The following ANKFN1 variants were observed in gnomAD, a reference collection of about 807,000 sequenced individuals.
The protein encoded by ANKFN1 is ankyrin repeat and fibronectin type-III domain-containing protein 1.
ANKFN1 carries 74 observed loss-of-function variants against 108.7 expected under a neutral mutation model. That is an observed-to-expected ratio of 0.68 (90% CI 0.56 to 0.83). ANKFN1 has a LOEUF of 0.83. Ranked by LOEUF, ANKFN1 falls within the 40% of genes least tolerant of loss-of-function variation. The probability of loss-of-function intolerance (pLI) is 0.00; values close to 1 mark genes in which losing one functional copy is unlikely to be tolerated. For missense variants in ANKFN1, 1,505 were observed against 1,382.3 expected, an observed-to-expected ratio of 1.09 and a Z score of -1.41; for synonymous variants, 547 against 516.2, an observed-to-expected ratio of 1.06 and a Z score of -0.81.
intron 4 of ANKFN1, among the ~76,000 whole-genome samples, chr17:56,104,886 T>C (rs977346704): frequency 2.6e-5 from 4 of 152,194 alleles, no homozygotes; most frequent in South Asian, 2.1e-4. Context: ...AAAAAAACTT[T>C]CATGCATTCA....
intron 13 of ANKFN1, 148 bp from the exon 14 acceptor site, chr17:56,457,715 A>G (rs2049757629): frequency 1.5e-6 from 1 of 681,678 alleles, no homozygotes; most frequent in Non-Finnish European, 2.6e-6. Flanking sequence ...TTGGACAGAG[A>G]TCAAAAAGTT....
chr17:56,259,384 A>G (rs2043443590), intron 3 of ANKFN1, among the ~76,000 whole-genome samples: 1 of 152,218 alleles, frequency 6.6e-6, no homozygotes, highest in African/African-American at 2.4e-5. Flanking sequence ...AGATTAATGT[A>G]TATGATATGC....
At chr17:56,462,650 A>G (rs1250772317) in intron 14 of ANKFN1, among the ~76,000 whole-genome samples, 3 of 152,186 alleles carry the variant, frequency 2.0e-5, no homozygotes, top group African/African-American at 7.2e-5. Context: ...TGCATTATAC[A>G]TAGTTTGATT....
intron 4 of ANKFN1, among the ~76,000 whole-genome samples, chr17:56,341,774 A>G (rs1460701063): frequency 6.7e-6 from 1 of 148,514 alleles, no homozygotes; most frequent in Non-Finnish European, 1.5e-5. Flanking sequence ...TTTTTTTTTT[A>G]TTATAGCTCT....
At chr17:56,477,442 G>T in intron 15 of ANKFN1, 46 bp from the exon 16 acceptor site, 1 of 1,488,438 alleles carries the variant, frequency 6.7e-7, no homozygotes. Context: ...ATTGCCCTTC[G>T]AGTTGTTTTC....
At chr17:56,493,233 T>G (rs1274873482) in intron 19 of ANKFN1, among the ~76,000 whole-genome samples, 2 of 151,916 alleles carry the variant, frequency 1.3e-5, no homozygotes, top group African/African-American at 4.8e-5. Flanking sequence ...ATGTGCTAGG[T>G]GCCAAAAAAA....
intron 3 of ANKFN1, among the ~76,000 whole-genome samples, chr17:56,312,292 T>G (rs2045053165): frequency 6.6e-6 from 1 of 152,216 alleles, no homozygotes; most frequent in Non-Finnish European, 1.5e-5. Context: ...TGTGTCTGGC[T>G]GCCAATTCCC....
intron 4 of ANKFN1, among the ~76,000 whole-genome samples, chr17:56,339,612 CCATGT>C (rs569617898): frequency 2.6e-5 from 4 of 152,130 alleles, no homozygotes; most frequent in Non-Finnish European, 4.4e-5. Context: ...CCAGCTCCAC[CCATGT>C]CCCTGCAAAG....
chr17:56,321,733 A>G (rs1033181384), intron 3 of ANKFN1, among the ~76,000 whole-genome samples: 2 of 152,214 alleles, frequency 1.3e-5, no homozygotes, highest in Non-Finnish European at 2.9e-5. Context: ...CACAAATCAG[A>G]GGAGAGTATA....
chr17:56,236,597 C>A (rs939167973), intron 3 of ANKFN1, among the ~76,000 whole-genome samples: 1 of 152,052 alleles, frequency 6.6e-6, no homozygotes, highest in African/African-American at 2.4e-5. Flanking sequence ...TAGGCCAAGA[C>A]TATGGGGTTT....
chr17:56,177,532 A>G (rs1431573487), intron 1 of ANKFN1, among the ~76,000 whole-genome samples: 2 of 152,222 alleles, frequency 1.3e-5, no homozygotes, highest in Non-Finnish European at 2.9e-5. Context: ...TCCACTTACA[A>G]TGAATTTTCC....
At chr17:56,358,540 G>A (rs181980233) in intron 6 of ANKFN1, among the ~76,000 whole-genome samples, 4 of 152,264 alleles carry the variant, frequency 2.6e-5, no homozygotes, top group Non-Finnish European at 2.9e-5. Context: ...CTCATTAGAC[G>A]AATCTACTAT....
intron 3 of ANKFN1, among the ~76,000 whole-genome samples, chr17:56,253,414 G>A (rs987354892): frequency 6.6e-6 from 1 of 152,160 alleles, no homozygotes; most frequent in Non-Finnish European, 1.5e-5. Context: ...GCCAGTGGGT[G>A]TACAATGCCC....
chr17:56,392,609 C>A (rs2047473714), intron 8 of ANKFN1, among the ~76,000 whole-genome samples: 1 of 152,118 alleles, frequency 6.6e-6, no homozygotes, highest in African/African-American at 2.4e-5. Flanking sequence ...GTGGGCACAG[C>A]AAACACACTA....
intron 4 of ANKFN1, among the ~76,000 whole-genome samples, chr17:56,085,705 AACACC>A (rs1457011979): frequency 1.1e-4 from 17 of 151,332 alleles, no homozygotes. Context: ...ATGAAGCAGC[AACACC>A]ATTTGGTTCA....
intron 1 of ANKFN1, chr17:56,184,859 CT>C (rs1365805349): frequency 6.6e-6 from 1 of 152,204 alleles, no homozygotes; most frequent in South Asian, 2.1e-4. Flanking sequence ...AGAACTCCCC[CT>C]CAGCTGTTAC....
chr17:56,456,639 G>GCC (rs565736123), intron 11 of ANKFN1, among the ~76,000 whole-genome samples: 1 of 151,770 alleles, frequency 6.6e-6, no homozygotes, highest in African/African-American at 2.4e-5. Flanking sequence ...CTCGTGATCC[G>GCC]CCCCCCTCGG....
intron 4 of ANKFN1, among the ~76,000 whole-genome samples, chr17:56,144,682 G>A (rs2095447998): frequency 6.6e-6 from 1 of 152,152 alleles, no homozygotes; most frequent in Non-Finnish European, 1.5e-5. Context: ...GGACCACCTA[G>A]GCCAGGTCTG....
intron 1 of ANKFN1, among the ~76,000 whole-genome samples, chr17:56,188,408 C>A (rs1912459125): frequency 1.3e-5 from 2 of 150,136 alleles, no homozygotes; most frequent in African/African-American, 4.9e-5. Context: ...TCTTCCTTGC[C>A]TTTTTCAGCT....
Sources: allele counts gnomAD v4.1 joint callset (sites outside exome capture counted in the v4.1 genomes callset), GRCh38; gene constraint gnomAD v4.1.1; transcripts MANE v1.5; gene names NCBI Gene and HGNC (gene_info 2026-07-23, HGNC 2026-07-21).